ZNF469: variants seen among roughly 807,000 people sequenced by gnomAD.
ZNF469 encodes the protein zinc finger protein 469.
ZNF469 carries 1 observed loss-of-function variant against 1.0 expected under a neutral mutation model. That is an observed-to-expected ratio of 1.00 (90% CI 0.35 to 4.73). The LOEUF (loss-of-function observed/expected upper bound fraction) is 4.73, where lower values mean the gene tolerates loss of function less well. Ranked by LOEUF, ZNF469 falls within the 30% of genes most tolerant of loss-of-function variation. The pLI is 0.16. For missense variants in ZNF469, 6,100 were observed against 5,356.3 expected (o/e 1.14, Z -4.33); for synonymous variants, 2,703 against 2,363.4 (o/e 1.14, Z -4.17).
rs538381325 is a variant in ZNF469 at position 88,428,652 on chromosome 16, G to T, written c.1182G>T (p.Thr394=). The T allele has an allele frequency of 6.5e-7, 1 of 1,550,122 alleles. No individual in the cohort carries two copies. The highest frequency in any genetic ancestry group is 8.7e-7 in the Non-Finnish European group (1 of 1,146,844). ...CAGCCCAGGATGGGCTGGGGAGCAC[G>T]AGAGGGCCCCCTAGCTCCCTACCCC... ...PPSAQDGLGS[T]RGPPSSLPQR... The change falls in exon 3 of 3, where the codon ACG becomes ACT. Residue 394 remains threonine (T), a synonymous_variant. Transcript: ENST00000565624.
chr16:88,211,999 G>A, the ZNF469 span, among the ~76,000 whole-genome samples: 536 of 152,334 alleles, frequency 3.5e-3, 4 homozygotes, highest in African/African-American at 0.013. Context: ...TTGTGGAACA[G>A]CTGGTCTTGT....
At chr16:88,198,126 C>T in the ZNF469 span, among the ~76,000 whole-genome samples, 2 of 152,364 alleles carry the variant, frequency 1.3e-5, no homozygotes, top group East Asian at 3.9e-4. Flanking sequence ...TGCTGTGTGC[C>T]CAGCCCTGGG....
chr16:88,219,212 C>A, the ZNF469 span, among the ~76,000 whole-genome samples: 1 of 149,876 alleles, frequency 6.7e-6, no homozygotes, highest in Non-Finnish European at 1.5e-5. Flanking sequence ...TTTACAGATT[C>A]AATGCCATCC....
rs142192874 is a variant in ZNF469 at position 88,401,153 on chromosome 16, T to G, written c.-192+17899T>G. Among the ~76,000 whole-genome samples the G allele has an allele frequency of 4.7e-3, 711 of 152,202 alleles. 6 individuals are homozygous for G. Among genetic ancestry groups the G allele is most frequent in the Non-Finnish European group, 5.8e-3 (395 of 68,012 alleles). On this transcript the variant is annotated intron_variant, in intron 1 of 2. Coordinates refer to ENST00000565624, the MANE Select transcript of ZNF469 (RefSeq NM_001367624.2). ...GACTGGGTACAGTTTCTCTCTCCCATGGGACCCAGAGACAACCAAGAGTAA... is the reference window on the plus strand; with the variant it reads ...GACTGGGTACAGTTTCTCTCTCCCAGGGGACCCAGAGACAACCAAGAGTAA...
chr16:88,251,066 C>T, the ZNF469 span, among the ~76,000 whole-genome samples: 4 of 152,140 alleles, frequency 2.6e-5, no homozygotes, highest in East Asian at 1.9e-4. Flanking sequence ...TCAGTAGAGA[C>T]GGGGTTTCAC....
the ZNF469 span, among the ~76,000 whole-genome samples, chr16:88,134,397 A>T: frequency 6.6e-6 from 1 of 152,178 alleles, no homozygotes; most frequent in Non-Finnish European, 1.5e-5. Flanking sequence ...AGTGAGGAGG[A>T]CGGAGAGGTC....
chr16:88,181,655 A>C, the ZNF469 span, among the ~76,000 whole-genome samples: 7,945 of 152,340 alleles, frequency 0.052, 329 homozygotes, highest in East Asian at 0.093. Context: ...CTGGCAAGGC[A>C]GTGCTTGGAA....
At chr16:88,272,376 G>C in the ZNF469 span, among the ~76,000 whole-genome samples, 1,996 of 142,362 alleles carry the variant, frequency 0.014, 20 homozygotes, top group African/African-American at 0.051. Context: ...GGATGGATGG[G>C]TGGGTAGGTG....
chr16:88,117,448 T>G, the ZNF469 span, among the ~76,000 whole-genome samples: 1 of 152,228 alleles, frequency 6.6e-6, no homozygotes, highest in African/African-American at 2.4e-5. Context: ...TTTGATCTTT[T>G]TTTACTTGGA....
the ZNF469 span, among the ~76,000 whole-genome samples, chr16:88,365,816 C>T: frequency 6.6e-6 from 1 of 152,138 alleles, no homozygotes; most frequent in South Asian, 2.1e-4. Context: ...GTTCCATTTA[C>T]CTTATCATGG....
chr16:88,312,661 GT>G, the ZNF469 span, among the ~76,000 whole-genome samples: 1 of 152,010 alleles, frequency 6.6e-6, no homozygotes, highest in East Asian at 1.9e-4. Context: ...TAGTGCTTTT[GT>G]TTTTTTGCCC....
At chr16:88,263,983 C>A in the ZNF469 span, among the ~76,000 whole-genome samples, 1 of 152,160 alleles carries the variant, frequency 6.6e-6, no homozygotes. Context: ...TTCTCCACTT[C>A]CCAGGGAGCC....
the ZNF469 span, among the ~76,000 whole-genome samples, chr16:88,185,833 A>G: frequency 6.6e-6 from 1 of 151,976 alleles, no homozygotes; most frequent in East Asian, 1.9e-4. Context: ...CCAGACCTAC[A>G]GACACACTCA....
At chr16:88,175,277 C>G in the ZNF469 span, among the ~76,000 whole-genome samples, 1 of 152,144 alleles carries the variant, frequency 6.6e-6, no homozygotes, top group Non-Finnish European at 1.5e-5. Flanking sequence ...TCATCAGAGC[C>G]CTCTCTCAAC....
the ZNF469 span, among the ~76,000 whole-genome samples, chr16:88,255,437 A>C: frequency 2.6e-5 from 4 of 152,254 alleles, no homozygotes; most frequent in African/African-American, 9.6e-5. Flanking sequence ...CTTAATTTTT[A>C]GAGCAAAGTC....
chr16:88,159,531 T>C, the ZNF469 span, among the ~76,000 whole-genome samples: 1 of 150,926 alleles, frequency 6.6e-6, no homozygotes, highest in Admixed American at 6.6e-5. Flanking sequence ...GAGCGCAGAG[T>C]GTGGAGCGCA....
Position 88,430,096 on chromosome 16 carries a change from C to T in ZNF469, c.2626C>T (p.Pro876Ser), listed in dbSNP as rs1906030155. The change falls in exon 3 of 3, where the codon CCC (proline) becomes TCC (serine). Residue 876 changes from proline (P) to serine (S), a missense_variant. Transcript: ENST00000565624. ...DVFADEEPSG[P>S]RGPSSGHPLK... ...CTTCGCGGACGAGGAGCCTTCCGGCCCCAGAGGTCCCAGCTCCGGACACCC... is the reference window on the plus strand; with the variant it reads ...CTTCGCGGACGAGGAGCCTTCCGGCTCCAGAGGTCCCAGCTCCGGACACCC... 2 of 1,542,306 alleles carry T rather than the reference C, an allele frequency of 1.3e-6. No individual in the cohort carries two copies.
rs1176735080 is a variant in ZNF469, at chr16:88,437,826, C to T, written c.10356C>T (p.Gly3452=). 7 of 1,541,440 alleles carry T rather than the reference C, an allele frequency of 4.5e-6. No individual in the cohort carries two copies. Among genetic ancestry groups the T allele is most frequent in the African/African-American group, 4.1e-5 (3 of 72,808 alleles). The part of the protein sequence containing the change: ...RGGRQPFAFR[G]VRRPGAPGQK... ...GGCGGCAGCCCTTCGCGTTCCGCGG[C>T]GTGCGGAGGCCGGGAGCGCCGGGAC... The change falls in exon 3 of 3, where the codon GGC becomes GGT. Residue 3452 remains glycine (G), a synonymous_variant. Coordinates refer to ENST00000565624, the MANE Select transcript of ZNF469 (RefSeq NM_001367624.2).
At chr16:88,221,966 A>G in the ZNF469 span, among the ~76,000 whole-genome samples, 22 of 152,060 alleles carry the variant, frequency 1.4e-4, no homozygotes, top group East Asian at 3.5e-3. Flanking sequence ...CACACCTACA[A>G]AGACCCTTTT....
Sources: allele counts gnomAD v4.1 joint callset (sites outside exome capture counted in the v4.1 genomes callset), GRCh38; gene constraint gnomAD v4.1.1; transcripts MANE v1.5; gene names NCBI Gene and HGNC (gene_info 2026-07-23, HGNC 2026-07-21).